CTNND2: variants seen among roughly 807,000 people sequenced by gnomAD.
CTNND2 encodes catenin delta 2, also known as catenin delta-2.
Under a neutral mutation model 144.4 loss-of-function variants are expected in CTNND2, and 22 were observed. That is an observed-to-expected ratio of 0.15 (90% CI 0.11 to 0.22). The LOEUF (loss-of-function observed/expected upper bound fraction) is 0.22. Ranked by LOEUF, CTNND2 falls within the 10% of genes least tolerant of loss-of-function variation. The probability of loss-of-function intolerance (pLI) is 1.00; values close to 1 mark genes in which losing one functional copy is unlikely to be tolerated. For synonymous variants in CTNND2, 751 were observed against 695.6 expected (o/e 1.08, Z -1.25); for missense variants, 1,353 against 1,618.8 (o/e 0.84, Z 2.82).
In CTNND2 at chr5:11,771,192, C is replaced by CTTTTTTTTTTT. The variant is rs34686102; in HGVS notation, c.38-38931_38-38921dup. On this transcript the variant is annotated intron_variant, in intron 1 of 21. Coordinates refer to ENST00000304623, the MANE Select transcript of CTNND2 (RefSeq NM_001332.4). ...CTCTATCATGAACCCACATTGTTAG[C>CTTTTTTTTTTT]TTTTTTTTTTTTTTTTTGGGATGGA... 4.0e-4 allele frequency among the ~76,000 whole-genome samples: 42 copies of CTTTTTTTTTTT among 103,736 alleles called. 1 individual carries two copies. The highest frequency in any genetic ancestry group is 6.6e-4 in the Admixed American group (5 of 7,562). The allele number at this position is 103,736 out of a possible 152,430, so 68.1% of individuals were successfully genotyped here. A position where few individuals can be genotyped will look rare whatever the true frequency, so the allele number is the denominator to read the frequency against.
chr5:11,133,905 G>A (rs1755861449), intron 12 of CTNND2, among the ~76,000 whole-genome samples: 6 of 152,160 alleles, frequency 3.9e-5, no homozygotes, highest in Admixed American at 3.9e-4. Context: ...CTTCACTGTG[G>A]TAGGGAGAAT....
chr5:11,001,082 T>G (rs2149512903), intron 18 of CTNND2, among the ~76,000 whole-genome samples: 1 of 152,206 alleles, frequency 6.6e-6, no homozygotes, highest in Middle Eastern at 3.4e-3. Context: ...GCCAGAGAGG[T>G]GCCACACACA....
chr5:11,207,237 G>C (rs1738139784), intron 10 of CTNND2, among the ~76,000 whole-genome samples: 1 of 152,104 alleles, frequency 6.6e-6, no homozygotes, highest in Non-Finnish European at 1.5e-5. Flanking sequence ...GGCCTGTTGG[G>C]GGGTGTGGGG....
At chr5:11,789,431 C>A (rs1330816308) in intron 1 of CTNND2, among the ~76,000 whole-genome samples, 4 of 152,020 alleles carry the variant, frequency 2.6e-5, no homozygotes, top group Non-Finnish European at 5.9e-5. Flanking sequence ...AAATTTATCT[C>A]CTAAAAAGTT....
intron 3 of CTNND2, among the ~76,000 whole-genome samples, chr5:11,487,164 A>G (rs1325941230): frequency 6.6e-6 from 1 of 152,094 alleles, no homozygotes; most frequent in Non-Finnish European, 1.5e-5. Flanking sequence ...AAAACTAATT[A>G]TAAATAGATC....
At chr5:11,667,940 T>C (rs1783665453) in intron 2 of CTNND2, among the ~76,000 whole-genome samples, 2 of 152,246 alleles carry the variant, frequency 1.3e-5, no homozygotes, top group African/African-American at 2.4e-5. Context: ...TTAATTTTTG[T>C]ATAAGGTGTA....
At chr5:11,450,312 ATTCCCAGGACTCGAGTGTTGAGC>A (rs1765191156) in intron 3 of CTNND2, among the ~76,000 whole-genome samples, 1 of 152,200 alleles carries the variant, frequency 6.6e-6, no homozygotes, top group Admixed American at 6.5e-5. Flanking sequence ...CACCATAAAA[ATTCCCAGGACTCGAGTGTTGAGC>A]TGTATGTCAC....
chr5:10,998,184 T>C (rs706305), intron 18 of CTNND2, among the ~76,000 whole-genome samples: 120,335 of 152,162 alleles, frequency 0.79, 47,825 homozygotes, highest in African/African-American at 0.87. Flanking sequence ...AGTGTGGTCC[T>C]GCAGGTAACT....
At chr5:11,693,089 A>G (rs1188718818) in intron 2 of CTNND2, among the ~76,000 whole-genome samples, 1 of 152,232 alleles carries the variant, frequency 6.6e-6, no homozygotes, top group Non-Finnish European at 1.5e-5. Context: ...GAACATTTTA[A>G]AAGTTACTCC....
intron 1 of CTNND2, among the ~76,000 whole-genome samples, chr5:11,820,224 A>C (rs896931620): frequency 3.3e-5 from 5 of 152,188 alleles, no homozygotes; most frequent in African/African-American, 1.2e-4. Context: ...ATCCTGTTCT[A>C]ACTGCACATT....
intron 3 of CTNND2, among the ~76,000 whole-genome samples, chr5:11,560,264 T>C (rs1300910061): frequency 6.6e-6 from 1 of 152,204 alleles, no homozygotes; most frequent in Admixed American, 6.5e-5. Flanking sequence ...CTAAGAGTTA[T>C]GTGTCATTTA....
At chr5:11,737,296 T>A (rs1309684821) in intron 1 of CTNND2, among the ~76,000 whole-genome samples, 2 of 152,210 alleles carry the variant, frequency 1.3e-5, no homozygotes, top group Non-Finnish European at 2.9e-5. Context: ...ACTTTGTTTT[T>A]GTTTGACTGT....
intron 2 of CTNND2, among the ~76,000 whole-genome samples, chr5:11,731,189 A>G (rs1490170844): frequency 2.0e-5 from 3 of 152,200 alleles, no homozygotes; most frequent in African/African-American, 7.2e-5. Context: ...CTTTTGACTG[A>G]TAGCATCATT....
chr5:11,750,329 AG>A (rs1581821244), intron 1 of CTNND2, among the ~76,000 whole-genome samples: 1 of 152,018 alleles, frequency 6.6e-6, no homozygotes, highest in East Asian at 1.9e-4. Flanking sequence ...GTGTTGTATT[AG>A]GGTGGCAGAG....
In CTNND2 at chr5:11,384,622, C is replaced by A. The variant is rs1341182175; in HGVS notation, c.1177+43G>T. 2.6e-6 allele frequency: 4 copies of A among 1,544,538 alleles called. No homozygotes were observed. The East Asian group carries it at 7.0e-5, about 27-fold the overall frequency. On this transcript the variant is annotated intron_variant, in intron 7 of 21. Coordinates refer to ENST00000304623, the MANE Select transcript of CTNND2 (RefSeq NM_001332.4). The surrounding 1 kb of genome is among the most constrained non-coding windows in gnomAD (Gnocchi z 5.2). ...CGGGCTGCTGCTTCCGCGTCCCCGC[C>A]ACGCGCCCAGGTGAGTCGCGCCAGG...
At chr5:11,811,972 T>A (rs2126910639) in intron 1 of CTNND2, among the ~76,000 whole-genome samples, 1 of 152,318 alleles carries the variant, frequency 6.6e-6, no homozygotes, top group African/African-American at 2.4e-5. Context: ...AAACTTCAAC[T>A]GCCACTATAA....
At chr5:11,445,457 T>G (rs1764711343) in intron 3 of CTNND2, among the ~76,000 whole-genome samples, 2 of 152,164 alleles carry the variant, frequency 1.3e-5, no homozygotes, top group Non-Finnish European at 2.9e-5. Flanking sequence ...AAACGGTGGG[T>G]TGAGTGTCCC....
chr5:11,752,096 C>G (rs1788658492), intron 1 of CTNND2, among the ~76,000 whole-genome samples: 1 of 151,746 alleles, frequency 6.6e-6, no homozygotes, highest in African/African-American at 2.4e-5. Flanking sequence ...TACAGATTCT[C>G]TACATTAGAC....
chr5:11,139,136 T>G (rs577148629), intron 12 of CTNND2, among the ~76,000 whole-genome samples: 9 of 152,278 alleles, frequency 5.9e-5, no homozygotes, highest in African/African-American at 1.9e-4. Context: ...AATTTTTGTA[T>G]TTTTACTAGA....
Sources: allele counts gnomAD v4.1 joint callset (sites outside exome capture counted in the v4.1 genomes callset), GRCh38; gene constraint gnomAD v4.1.1; non-coding constraint Gnocchi (gnomAD v3.1); transcripts MANE v1.5; gene names NCBI Gene and HGNC (gene_info 2026-07-23, HGNC 2026-07-21).